The following PDE7B variants were observed in gnomAD, a reference collection of about 807,000 sequenced individuals.
The protein encoded by PDE7B is 3',5'-cyclic-AMP phosphodiesterase 7B.
In PDE7B, 29 loss-of-function variants were observed where a neutral mutation model predicts 56.2. The ratio of observed to expected loss-of-function variants is 0.52; its 90% CI spans 0.38 to 0.70. The LOEUF (loss-of-function observed/expected upper bound fraction) is 0.70, where lower values mean the gene tolerates loss of function less well. Ranked by LOEUF, PDE7B falls within the 30% of genes least tolerant of loss-of-function variation. PDE7B has a pLI of 0.00. For synonymous variants in PDE7B, 197 were observed against 196.9 expected, an observed-to-expected ratio of 1.00 and a Z score of 0.00; for missense variants, 490 against 565.0, an observed-to-expected ratio of 0.87 and a Z score of 1.35.
At chr6:135,944,026 C>T (rs930288764) in intron 1 of PDE7B, among the ~76,000 whole-genome samples, 1 of 152,028 alleles carries the variant, frequency 6.6e-6, no homozygotes, top group Admixed American at 6.6e-5. Context: ...AAGTTGGTCT[C>T]GATATTTCAG....
intron 3 of PDE7B, among the ~76,000 whole-genome samples, chr6:136,139,422 G>A (rs1305015784): frequency 2.6e-5 from 4 of 152,050 alleles, no homozygotes; most frequent in Non-Finnish European, 5.9e-5. Flanking sequence ...TAGTGCCTCA[G>A]TAAACATACG....
At chr6:136,044,276 C>T (rs1346461657) in intron 2 of PDE7B, 1 of 152,112 alleles carries the variant, frequency 6.6e-6, no homozygotes, top group Non-Finnish European at 1.5e-5. Flanking sequence ...TAGATTCCAG[C>T]TCTTTGAGAG....
At chr6:136,048,119 G>GATAGATAGATAA (rs1306181319) in intron 2 of PDE7B, among the ~76,000 whole-genome samples, 44 of 152,228 alleles carry the variant, frequency 2.9e-4, no homozygotes, top group African/African-American at 9.9e-4. Flanking sequence ...CAGATAGATA[G>GATAGATAGATAA]ATGTGATATA....
At chr6:136,071,489 A>C (rs1777049538) in intron 2 of PDE7B, among the ~76,000 whole-genome samples, 2 of 152,216 alleles carry the variant, frequency 1.3e-5, no homozygotes, top group Admixed American at 1.3e-4. Context: ...TGTATACATA[A>C]GTTTAATTCT....
chr6:135,972,483 A>G (rs770093090), intron 2 of PDE7B, among the ~76,000 whole-genome samples: 3 of 152,152 alleles, frequency 2.0e-5, no homozygotes, highest in Non-Finnish European at 2.9e-5. Context: ...TAAGTCATCT[A>G]ATCTCATTTA....
chr6:136,092,676 G>A (rs903130360), intron 2 of PDE7B, among the ~76,000 whole-genome samples: 8 of 152,120 alleles, frequency 5.3e-5, no homozygotes, highest in Admixed American at 1.3e-4. Context: ...CAGGAGAATC[G>A]CTTGATCCCA....
rs192704277 is a variant in PDE7B, at chr6:135,909,999, C to A, written c.22-37465C>A. On this transcript the variant is annotated intron_variant, in intron 1 of 12. Coordinates refer to ENST00000308191, the MANE Select transcript of PDE7B (RefSeq NM_018945.4). ...CTGCTTACATTTGCAAGAGACTGTT[C>A]CTGTTGCTTGCTACCTAAAATCCTG... Among the ~76,000 whole-genome samples the A allele has an allele frequency of 1.3e-3, 193 of 152,296 alleles. 2 individuals are homozygous for A. The highest frequency in any genetic ancestry group is 4.3e-3 in the African/African-American group (177 of 41,554).
At chr6:136,002,765 C>G (rs1458526226) in intron 2 of PDE7B, among the ~76,000 whole-genome samples, 1 of 152,060 alleles carries the variant, frequency 6.6e-6, no homozygotes, top group African/African-American at 2.4e-5. Context: ...GACTTTAACA[C>G]CCCACTGTCA....
At position 136,049,766 on chromosome 6, in the gene PDE7B, G is replaced by A. The variant is rs73564629; in HGVS notation, c.83-58965G>A. 5.9e-3 allele frequency among the ~76,000 whole-genome samples: 900 copies of A among 152,294 alleles called. 5 individuals carry two copies. The highest frequency in any genetic ancestry group is 0.02 in the African/African-American group (827 of 41,558). On this transcript the variant is annotated intron_variant, in intron 2 of 12. Coordinates refer to ENST00000308191, the MANE Select transcript of PDE7B (RefSeq NM_018945.4). ...GTCAAATTGGCTTGGCACAGCATTAGGAGTGAAGAAGAGTGGGAAACAGAA... is the reference window on the plus strand; with the variant it reads ...GTCAAATTGGCTTGGCACAGCATTAAGAGTGAAGAAGAGTGGGAAACAGAA...
chr6:135,956,548 G>A (rs1176103569), intron 2 of PDE7B, among the ~76,000 whole-genome samples: 1 of 152,114 alleles, frequency 6.6e-6, no homozygotes, highest in Non-Finnish European at 1.5e-5. Flanking sequence ...GGAGGCCAAG[G>A]CAGGCAGATC....
intron 2 of PDE7B, among the ~76,000 whole-genome samples, chr6:136,107,444 A>T (rs1777664579): frequency 6.6e-6 from 1 of 152,178 alleles, no homozygotes; most frequent in Non-Finnish European, 1.5e-5. Context: ...ACTCTTGTCA[A>T]CAGAGAACAT....
intron 3 of PDE7B, among the ~76,000 whole-genome samples, chr6:136,115,902 T>A (rs1430126239): frequency 6.6e-6 from 1 of 152,040 alleles, no homozygotes; most frequent in Non-Finnish European, 1.5e-5. Context: ...TCCTTTTAAG[T>A]CAACAAGGAC....
intron 2 of PDE7B, chr6:136,098,082 TGAA>T (rs1266486352): frequency 7.7e-6 from 1 of 130,252 alleles, no homozygotes; most frequent in African/African-American, 2.8e-5. Flanking sequence ...CCTGGCAAAG[TGAA>T]GAAGAACATT....
chr6:136,141,123 A>T lies in PDE7B; in HGVS notation c.167-6228A>T, dbSNP rs539089918. Among the ~76,000 whole-genome samples, 45 of 152,214 alleles carry T rather than the reference A, an allele frequency of 3.0e-4. No homozygotes were observed. The East Asian group carries it at 5.8e-3, about 20-fold the overall frequency. On this transcript the variant is annotated intron_variant, in intron 3 of 12. Transcript: ENST00000308191. ...GGGTTTGTCATAGATAGCTCTTATT[A>T]TTTTGAGATACGTCCCATCAGTACC...
At chr6:136,128,979 T>C (rs1778070284) in intron 3 of PDE7B, among the ~76,000 whole-genome samples, 1 of 152,144 alleles carries the variant, frequency 6.6e-6, no homozygotes, top group African/African-American at 2.4e-5. Context: ...TCAGAACTTA[T>C]CCATCCAGCA....
At chr6:136,023,725 C>CA (rs1460055230) in intron 2 of PDE7B, among the ~76,000 whole-genome samples, 3 of 151,048 alleles carry the variant, frequency 2.0e-5, no homozygotes, top group Non-Finnish European at 4.4e-5. Flanking sequence ...AGCCTCATGG[C>CA]AAAAAAATAA....
chr6:135,888,578 G>C (rs7772608), intron 1 of PDE7B, among the ~76,000 whole-genome samples: 7,834 of 151,880 alleles, frequency 0.052, 287 homozygotes, highest in East Asian at 0.11. Context: ...AAACATCACT[G>C]TTCTGGACTA....
chr6:135,936,998 CAG>C (rs1386341415), intron 1 of PDE7B, among the ~76,000 whole-genome samples: 1 of 152,200 alleles, frequency 6.6e-6, no homozygotes, highest in Non-Finnish European at 1.5e-5. Flanking sequence ...AGAAGGGAGT[CAG>C]AGTGAGGAGG....
chr6:135,875,445 C>A (rs528017369), intron 1 of PDE7B, among the ~76,000 whole-genome samples: 1 of 152,106 alleles, frequency 6.6e-6, no homozygotes, highest in Non-Finnish European at 1.5e-5. Context: ...TTTAATATCC[C>A]TATCATACCC....
Sources: gnomAD v4.1 joint callset for allele counts (sites outside exome capture counted in the v4.1 genomes callset) on GRCh38, gnomAD v4.1.1 for gene constraint, MANE v1.5 for transcripts, NCBI Gene and HGNC (gene_info 2026-07-23, HGNC 2026-07-21) for gene names.